Variants in RPS6KA6 observed in about 807,000 individuals in gnomAD.
RPS6KA6 encodes ribosomal protein S6 kinase A6.
Under a neutral mutation model 65.4 loss-of-function variants are expected in RPS6KA6, and 27 were observed. The observed-to-expected ratio is 0.41, with a 90% CI of 0.30 to 0.57. The LOEUF is 0.57. Ranked by LOEUF, RPS6KA6 falls within the 20% of genes least tolerant of loss-of-function variation. The pLI is 0.24. For missense variants in RPS6KA6, 486 were observed against 555.6 expected, an observed-to-expected ratio of 0.87 and a Z score of 1.26; for synonymous variants, 190 against 184.2, an observed-to-expected ratio of 1.03 and a Z score of -0.26.
intron 20 of RPS6KA6, among the ~76,000 whole-genome samples, chrX:84,084,580 G>A (rs908291770): frequency 7.1e-5 from 8 of 111,997 alleles, no homozygotes; most frequent in Non-Finnish European, 1.3e-4. Context: ...GTCTGTTTTC[G>A]TACAAGTATC....
rs989763751 is a variant in RPS6KA6 at position 84,187,683 on chromosome X, G to A, written c.81+136C>T. On this transcript the variant is annotated intron_variant, in intron 1 of 21. Coordinates refer to ENST00000262752, the MANE Select transcript of RPS6KA6 (RefSeq NM_014496.5). Reference sequence around the variant, plus strand: ...CCGCCCGCTCCCCAGCGAAAGGGCAGTGGAGGCAGCATCAAGGGGGCTTGC... The same window carrying A: ...CCGCCCGCTCCCCAGCGAAAGGGCAATGGAGGCAGCATCAAGGGGGCTTGC... 88 of 549,352 alleles carry A rather than the reference G, an allele frequency of 1.6e-4. No individual in the cohort carries two copies. The South Asian group carries it at 2.2e-3, about 14-fold the overall frequency. The allele number at this position is 549,352 out of a possible 1,213,427, so 45.3% of individuals were successfully genotyped here. A position where few individuals can be genotyped will look rare whatever the true frequency, so the allele number is the denominator to read the frequency against.
chrX:84,185,896 T>C (rs1325674732), intron 1 of RPS6KA6, among the ~76,000 whole-genome samples: 1 of 111,857 alleles, frequency 8.9e-6, no homozygotes, highest in Non-Finnish European at 1.9e-5. Context: ...CAAAAGAATA[T>C]AATTAAAAAC....
intron 8 of RPS6KA6, among the ~76,000 whole-genome samples, chrX:84,125,134 T>C (rs2034756455): frequency 8.9e-6 from 1 of 112,166 alleles, no homozygotes; most frequent in Non-Finnish European, 1.9e-5. Flanking sequence ...ACCAGACCTG[T>C]CTTATAAGAA....
intron 18 of RPS6KA6, among the ~76,000 whole-genome samples, chrX:84,101,799 T>C (rs140465825): frequency 5.9e-3 from 659 of 110,886 alleles, no homozygotes; most frequent in African/African-American, 0.02. Context: ...CTGAAATTAG[T>C]ATATAACCCA....
chrX:84,060,794 T>TATC lies in RPS6KA6; in HGVS notation c.*3480_*3482dup, dbSNP rs1274605188. ...CCGTGATAGGAACTGAATTTAAAAT[T>TATC]ATCACCTTGTTAGATTGCCTGAAGA... On this transcript the variant is annotated 3_prime_UTR_variant, in exon 22 of 22. Transcript: ENST00000262752. 8.9e-6 allele frequency: 1 copy of TATC among 112,172 alleles called. No individual in the cohort carries two copies. Among genetic ancestry groups the TATC allele is most frequent in the African/African-American group, 3.2e-5 (1 of 30,878 alleles). The allele number at this position is 112,172 out of a possible 1,213,427, so 9.2% of individuals were successfully genotyped here.
chrX:84,096,188 T>A lies in RPS6KA6; in HGVS notation c.1971+6A>T. ...ATGCAACAAAACAAAACATTATAAT[T>A]TATACCTTTGCTCCGTCTGAAATAT... On this transcript the variant is annotated splice_donor_region_variant and intron_variant, in intron 20 of 21. Coordinates refer to ENST00000262752, the MANE Select transcript of RPS6KA6 (RefSeq NM_014496.5). 1 of 1,091,867 alleles carries A rather than the reference T, an allele frequency of 9.2e-7. No individual in the cohort carries two copies. The highest frequency in any genetic ancestry group is 1.8e-5 in the South Asian group (1 of 54,327). 90.0% of individuals were successfully genotyped at this position (1,091,867 alleles called of 1,213,427 possible).
chrX:84,134,199 T>C (rs1680032698), intron 8 of RPS6KA6, among the ~76,000 whole-genome samples: 1 of 112,138 alleles, frequency 8.9e-6, no homozygotes, highest in Admixed American at 9.5e-5. Flanking sequence ...TATGTCATCA[T>C]ATGGAAGTAT....
intron 1 of RPS6KA6, among the ~76,000 whole-genome samples, chrX:84,165,731 G>A (rs972858156): frequency 4.5e-5 from 5 of 111,286 alleles, no homozygotes; most frequent in African/African-American, 1.3e-4. Context: ...GCCAGAGGAA[G>A]CAGGAAAAGA....
chrX:84,065,145 T>C (rs756416503), intron 20 of RPS6KA6, 34 bp from the exon 21 acceptor site: 6 of 932,968 alleles, frequency 6.4e-6, no homozygotes, highest in Non-Finnish European at 8.8e-6. Flanking sequence ...TATATATATA[T>C]ACATGTATAC....
At chrX:84,174,444 T>A (rs1187557959) in intron 1 of RPS6KA6, among the ~76,000 whole-genome samples, 1 of 111,553 alleles carries the variant, frequency 9.0e-6, no homozygotes, top group East Asian at 2.8e-4. Context: ...ATGTCTTTTT[T>A]TTAAAAGAGT....
chrX:84,138,446 G>A (rs891835765), intron 6 of RPS6KA6, among the ~76,000 whole-genome samples: 12 of 110,709 alleles, frequency 1.1e-4, no homozygotes, highest in African/African-American at 3.0e-4. Context: ...CAAGCTATTC[G>A]GGAGGCGGAG....
At chrX:84,175,320 G>GCA (rs1193190669) in intron 1 of RPS6KA6, among the ~76,000 whole-genome samples, 1 of 111,113 alleles carries the variant, frequency 9.0e-6, no homozygotes, top group East Asian at 2.8e-4. Flanking sequence ...ATATAACTAT[G>GCA]CACATCCTCC....
In RPS6KA6 at chrX:84,130,333, T is replaced by C. The variant is rs556393769; in HGVS notation, c.646+4449A>G. ...TAATTCTACCTAATGCCTATTAGAA[T>C]AGCTAAAATAAAAAATACTAACAAT... On this transcript the variant is annotated intron_variant, in intron 8 of 21. Coordinates refer to ENST00000262752, the MANE Select transcript of RPS6KA6 (RefSeq NM_014496.5). Among the ~76,000 whole-genome samples, 13 of 111,398 alleles carry C rather than the reference T, an allele frequency of 1.2e-4. No individual in the cohort carries two copies. In the South Asian group the frequency reaches 1.9e-3, roughly 16 times the overall value.
At chrX:84,156,466 A>C (rs1391828089) in intron 2 of RPS6KA6, among the ~76,000 whole-genome samples, 3 of 111,260 alleles carry the variant, frequency 2.7e-5, no homozygotes, top group African/African-American at 9.8e-5. Context: ...CAATATAATA[A>C]AATTGTTAAC....
intron 3 of RPS6KA6, among the ~76,000 whole-genome samples, chrX:84,149,170 C>A (rs2035254082): frequency 8.9e-6 from 1 of 112,039 alleles, no homozygotes; most frequent in African/African-American, 3.2e-5. Flanking sequence ...CATGAGACTG[C>A]AGCACTTCCG....
Position 84,117,373 on chromosome X carries a change from T to C in RPS6KA6, c.860+11A>G, listed in dbSNP as rs2034588416. 1 of 1,069,400 alleles carries C rather than the reference T, an allele frequency of 9.4e-7. No homozygotes were observed. Among genetic ancestry groups the C allele is most frequent in the African/African-American group, 1.9e-5 (1 of 53,065 alleles). The allele number at this position is 1,069,400 out of a possible 1,213,427, so 88.1% of individuals were successfully genotyped here. ...TTTTTCCCAAAAGAAAAACATACTG[T>C]TTACACTTACTTTAATATCATATTC... On this transcript the variant is annotated intron_variant, in intron 10 of 21. Transcript: ENST00000262752.
At chrX:84,161,742 T>A (rs182928994) in intron 2 of RPS6KA6, among the ~76,000 whole-genome samples, 1 of 111,637 alleles carries the variant, frequency 9.0e-6, no homozygotes, top group East Asian at 2.8e-4. Context: ...AATCAGGATA[T>A]CCAGCATTGT....
intron 2 of RPS6KA6, 22 bp from the exon 3 acceptor site, chrX:84,156,213 ATACTTGAATCCATTT>A: frequency 1.2e-6 from 1 of 848,479 alleles, no homozygotes; most frequent in Non-Finnish European, 1.8e-6. Context: ...AATCCAAACA[ATACTTGAATCCATTT>A]TCAACATCTT....
chrX:84,093,434 T>G (rs1190876515), intron 20 of RPS6KA6, among the ~76,000 whole-genome samples: 1 of 111,867 alleles, frequency 8.9e-6, no homozygotes. Flanking sequence ...TTCTCATAGC[T>G]CCTACAAAAG....
Sources: gnomAD v4.1 joint callset for allele counts (sites outside exome capture counted in the v4.1 genomes callset) on GRCh38, gnomAD v4.1.1 for gene constraint, MANE v1.5 for transcripts, NCBI Gene and HGNC (gene_info 2026-07-23, HGNC 2026-07-21) for gene names.